GPHN: variants seen among roughly 807,000 people sequenced by gnomAD.
GPHN encodes the protein gephyrin.
Under a neutral mutation model 95.5 loss-of-function variants are expected in GPHN, and 17 were observed. The ratio of observed to expected loss-of-function variants is 0.18; its 90% confidence interval spans 0.12 to 0.27. The LOEUF (loss-of-function observed/expected upper bound fraction) is 0.27, where lower values mean the gene tolerates loss of function less well. GPHN is among the 10% of genes least tolerant of loss of function. The probability of loss-of-function intolerance (pLI) is 1.00; values close to 1 mark genes in which losing one functional copy is unlikely to be tolerated. For synonymous variants in GPHN, 320 were observed against 322.5 expected (o/e 0.99, Z 0.08); for missense variants, 660 against 978.1 (o/e 0.67, Z 4.34).
At chr14:67,351,007 T>C in the GPHN span, among the ~76,000 whole-genome samples, 1 of 152,236 alleles carries the variant, frequency 6.6e-6, no homozygotes, top group African/African-American at 2.4e-5. Context: ...TTAAATTCAC[T>C]GCAGTTGCAG....
chr14:67,202,312 G>A, the GPHN span, among the ~76,000 whole-genome samples: 6 of 152,110 alleles, frequency 3.9e-5, no homozygotes, highest in East Asian at 1.9e-4. Flanking sequence ...TTGGTGGCAT[G>A]TGCCTGTAAT....
rs1309207878 is a variant in GPHN, at chr14:67,085,086, A to G, written c.1145-3897A>G. Among the ~76,000 whole-genome samples the G allele has an allele frequency of 2.0e-5, 3 of 152,256 alleles. No individual in the cohort carries two copies. In the East Asian group the frequency reaches 5.8e-4, roughly 29 times the overall value. ...TTAAATAACTACATTATTCCTTGTC[A>G]TACATACATTTTTCTCATTTGAGCC... On this transcript the variant is annotated intron_variant, in intron 11 of 22. Transcript: ENST00000478722.
the GPHN span, chr14:67,576,586 T>C: frequency 1.4e-6 from 1 of 718,100 alleles, no homozygotes; most frequent in Admixed American, 2.3e-5. This position sits in a 1 kb window ranked among gnomAD's most constrained non-coding sequence, Gnocchi z 4.0. Flanking sequence ...GAAAGCAGTG[T>C]TGTACCCTGA....
At chr14:67,400,827 G>T in the GPHN span, among the ~76,000 whole-genome samples, 19 of 151,826 alleles carry the variant, frequency 1.3e-4, no homozygotes, top group African/African-American at 4.4e-4. Flanking sequence ...ATCTCTACAA[G>T]AAAAAATTAA....
chr14:66,588,188 C>T (rs2061498670), intron 1 of GPHN, among the ~76,000 whole-genome samples: 1 of 152,052 alleles, frequency 6.6e-6, no homozygotes, highest in Non-Finnish European at 1.5e-5. Context: ...AAAGGAATAG[C>T]ATCAACATCA....
the GPHN span, among the ~76,000 whole-genome samples, chr14:67,240,427 A>G: frequency 6.6e-6 from 1 of 152,158 alleles, no homozygotes; most frequent in Admixed American, 6.5e-5. Context: ...GCATATACGA[A>G]GGCTTTGAGG....
the GPHN span, among the ~76,000 whole-genome samples, chr14:67,543,808 T>G: frequency 6.6e-6 from 1 of 151,322 alleles, no homozygotes; most frequent in East Asian, 1.9e-4. Flanking sequence ...ATGAATCACC[T>G]GGAAATACTG....
chr14:67,089,146 T>TTTTTTTTTTG (rs2077045277), intron 12 of GPHN, 71 bp downstream of exon 12: 1 of 485,670 alleles, frequency 2.1e-6, no homozygotes, highest in South Asian at 1.9e-5. Flanking sequence ...TTTTTTTTTT[T>TTTTTTTTTTG]TTTTTTTTTT....
intron 10 of GPHN, among the ~76,000 whole-genome samples, chr14:67,050,699 A>G (rs934167288): frequency 2.6e-5 from 4 of 152,188 alleles, no homozygotes; most frequent in Non-Finnish European, 4.4e-5. Context: ...ATGACCAACT[A>G]AAAACAGCTA....
At chr14:67,097,543 T>G (rs1392609276) in intron 12 of GPHN, among the ~76,000 whole-genome samples, 4 of 151,908 alleles carry the variant, frequency 2.6e-5, no homozygotes, top group African/African-American at 9.7e-5. Flanking sequence ...TTCCCTCCCT[T>G]TGTCTCTCCC....
the GPHN span, among the ~76,000 whole-genome samples, chr14:67,498,600 G>C: frequency 6.6e-6 from 1 of 152,192 alleles, no homozygotes; most frequent in East Asian, 1.9e-4. Context: ...AAAGACGAAG[G>C]AATGAGCAGA....
chr14:66,576,272 TGTG>T lies in GPHN; in HGVS notation c.64+67684_64+67686del, dbSNP rs2060896322. Among the ~76,000 whole-genome samples, 3 of 152,322 alleles carry T rather than the reference TGTG, an allele frequency of 2.0e-5. No individual in the cohort carries two copies. In the South Asian group the frequency reaches 6.2e-4, roughly 32 times the overall value. ...ACAGGAGCTGGCCTGGTACTGGTCT[TGTG>T]GTACTTTTTAAAGGAAGTGTAATTC... On this transcript the variant is annotated intron_variant, in intron 1 of 22. Transcript: ENST00000478722.
At chr14:67,511,153 CAAT>C in the GPHN span, among the ~76,000 whole-genome samples, 28 of 152,142 alleles carry the variant, frequency 1.8e-4, no homozygotes, top group African/African-American at 6.8e-4. Flanking sequence ...TGAAAGGAAA[CAAT>C]GAATGAATGG....
chr14:66,620,885 T>TA (rs2063262338), intron 1 of GPHN, among the ~76,000 whole-genome samples: 1 of 152,126 alleles, frequency 6.6e-6, no homozygotes, highest in Non-Finnish European at 1.5e-5. Flanking sequence ...ATTGGGTAAA[T>TA]ACAACCATTC....
intron 9 of GPHN, among the ~76,000 whole-genome samples, chr14:66,968,559 A>G (rs1178642868): frequency 6.6e-6 from 1 of 152,124 alleles, no homozygotes; most frequent in Admixed American, 6.5e-5. Context: ...GAAATACAAT[A>G]TAGTTTTGAA....
chr14:67,423,029 C>T, the GPHN span, among the ~76,000 whole-genome samples: 15 of 151,746 alleles, frequency 9.9e-5, no homozygotes, highest in Admixed American at 9.9e-4. Context: ...AGACGGGTTT[C>T]TTCATGTTGT....
At chr14:66,572,247 C>T (rs571647854) in intron 1 of GPHN, among the ~76,000 whole-genome samples, 1 of 152,050 alleles carries the variant, frequency 6.6e-6, no homozygotes, top group Non-Finnish European at 1.5e-5. Context: ...GGTCTTTGGT[C>T]GTTCCATGTG....
At chr14:66,898,071 G>A (rs1233542343) in intron 5 of GPHN, among the ~76,000 whole-genome samples, 1 of 151,896 alleles carries the variant, frequency 6.6e-6, no homozygotes, top group Non-Finnish European at 1.5e-5. Context: ...TTTTATCCCT[G>A]ATTTTTGAGA....
chr14:66,931,875 T>C (rs1400866228), intron 8 of GPHN, among the ~76,000 whole-genome samples: 1 of 152,238 alleles, frequency 6.6e-6, no homozygotes, highest in African/African-American at 2.4e-5. Flanking sequence ...GTGCCTTATT[T>C]AGTTCATTTA....
Sources: allele counts gnomAD v4.1 joint callset (sites outside exome capture counted in the v4.1 genomes callset), GRCh38; gene constraint gnomAD v4.1.1; non-coding constraint Gnocchi (gnomAD v3.1); transcripts MANE v1.5; gene names NCBI Gene and HGNC (gene_info 2026-07-23, HGNC 2026-07-21).